Variants in STK11 observed in about 807,000 individuals in gnomAD.
STK11 encodes the protein serine/threonine-protein kinase STK11.
A neutral mutation model predicts 47.3 loss-of-function variants in STK11; 8 were observed. The observed-to-expected ratio is 0.17, with a 90% CI of 0.10 to 0.31. The LOEUF is 0.31. Ranked by LOEUF, STK11 falls within the 10% of genes least tolerant of loss-of-function variation. The pLI is 1.00. For missense variants in STK11, 475 were observed against 605.0 expected (o/e 0.79, Z 2.25); for synonymous variants, 330 against 255.8 (o/e 1.29, Z -2.77).
At position 1,220,640 on chromosome 19, in the gene STK11, C is replaced by T. The variant is rs1326889544; in HGVS notation, c.657C>T (p.Phe219=). The T allele has an allele frequency of 1.9e-6, 3 of 1,608,426 alleles. No homozygotes were observed. The East Asian group carries it at 6.7e-5, about 36-fold the overall frequency. The part of the protein sequence containing the change: ...TCRTSQGSPA[F]QPPEIANGLD... Reference sequence around the variant, plus strand: ...GGACCAGCCAGGGCTCCCCGGCTTTCCAGCCGCCCGAGATTGCCAACGGCC... The same window carrying T: ...GGACCAGCCAGGGCTCCCCGGCTTTTCAGCCGCCCGAGATTGCCAACGGCC... The change falls in exon 5 of 10, where the codon TTC becomes TTT. Residue 219 remains phenylalanine, a synonymous_variant. Transcript: ENST00000326873.
At chr19:1,220,541 C>A in intron 4 of STK11, 36 bp downstream of exon 4, 1 of 1,578,026 alleles carries the variant, frequency 6.3e-7, no homozygotes, top group East Asian at 2.3e-5. Flanking sequence ...GGGGCGCCCC[C>A]TCCCGGGCAC....
At chr19:1,218,532 T>A (rs745909134) in intron 2 of STK11, 32 bp downstream of exon 2, 6 of 1,594,088 alleles carry the variant, frequency 3.8e-6, no homozygotes, top group Non-Finnish European at 5.2e-6. Flanking sequence ...CCGCGGGGCC[T>A]CCGTGGGAGG....
At position 1,218,432 on chromosome 19, in the gene STK11, G is replaced by T. The variant is rs370130178; in HGVS notation, c.306G>T (p.Leu102=). The T allele has an allele frequency of 6.2e-7, 1 of 1,613,626 alleles. No homozygotes were observed. The highest frequency in any genetic ancestry group is 8.5e-7 in the Non-Finnish European group (1 of 1,179,776). ...TCTGTCCCAGGGAAATTCAACTACT[G>T]AGGAGGTTACGGCACAAAAATGTCA... is the stretch of plus-strand genomic sequence containing the variant. ...EANVKKEIQL[L]RRLRHKNVIQ... Residue 102 remains leucine (L), a synonymous_variant, in exon 2 of 10, where the codon CTG becomes CTT. Transcript: ENST00000326873.
chr19:1,219,070 G>GGGGGACGTGAGCCCCGC (rs1484233863), intron 2 of STK11, among the ~76,000 whole-genome samples: 16 of 152,154 alleles, frequency 1.1e-4, no homozygotes, highest in Non-Finnish European at 4.4e-5. Context: ...TGGGCAGGGT[G>GGGGGACGTGAGCCCCGC]GGGGACGTGA....
chr19:1,225,707 C>T (rs559530835), intron 8 of STK11: 11 of 985,582 alleles, frequency 1.1e-5, no homozygotes, highest in Admixed American at 6.1e-5. Context: ...TGGGGCAGCC[C>T]GGGGCGGCCT....
At position 1,220,520 on chromosome 19, in the gene STK11, G is replaced by T. The variant is rs774187994; in HGVS notation, c.597+15G>T. The T allele has an allele frequency of 1.3e-6, 2 of 1,593,978 alleles. No homozygotes were observed. Among genetic ancestry groups the T allele is most frequent in the East Asian group, 2.3e-5 (1 of 44,016 alleles). On this transcript the variant is annotated intron_variant, in intron 4 of 9. Transcript: ENST00000326873. ...GCGTGGCCGAGGTAGGCACGTGCTA[G>T]GGGGGGCCCTGGGGCGCCCCCTCCC... is the stretch of plus-strand genomic sequence containing the variant.
chr19:1,216,441 G>A (rs190298701), intron 1 of STK11: 29 of 158,190 alleles, frequency 1.8e-4, no homozygotes, highest in East Asian at 4.5e-4. Flanking sequence ...TTAGCTGGGC[G>A]TGGTTGCGGG....
In STK11 at chr19:1,223,227, C is replaced by G. The variant is rs1001292384; in HGVS notation, c.1108+55C>G. On this transcript the variant is annotated intron_variant, in intron 8 of 9. Transcript: ENST00000326873. ...CTGCTGACTCGGCCAGGATGTCCCA[C>G]GGGAGCAGGGTGCCTGCCTGTCTGC... The G allele has an allele frequency of 3.2e-6, 5 of 1,564,308 alleles. No individual in the cohort carries two copies. The South Asian group carries it at 5.8e-5, about 18-fold the overall frequency.
At chr19:1,219,666 T>C (rs980792006) in intron 3 of STK11, among the ~76,000 whole-genome samples, 12 of 152,086 alleles carry the variant, frequency 7.9e-5, no homozygotes, top group Admixed American at 1.3e-4. Flanking sequence ...CTGCCTCAGC[T>C]TCCCGAGTAG....
intron 6 of STK11, 175 bp downstream of exon 6, chr19:1,221,515 T>C: frequency 7.0e-6 from 7 of 999,340 alleles, no homozygotes; most frequent in Non-Finnish European, 8.5e-6. Flanking sequence ...GTCCCTCAGC[T>C]CCACCCTGCT....
intron 8 of STK11, 77 bp from the exon 9 acceptor site, chr19:1,226,377 G>A: frequency 3.9e-6 from 6 of 1,556,128 alleles, no homozygotes; most frequent in Non-Finnish European, 4.3e-6. Flanking sequence ...GCGTCCCCGT[G>A]GTGGGGGCCA....
At chr19:1,223,854 T>C in intron 8 of STK11, 2 of 1,023,384 alleles carry the variant, frequency 2.0e-6, no homozygotes, top group Non-Finnish European at 2.3e-6. Flanking sequence ...CTGGGCCGTG[T>C]CATAAAGAGT....
intron 8 of STK11, chr19:1,225,744 T>A: frequency 1.0e-6 from 1 of 985,600 alleles, no homozygotes; most frequent in Non-Finnish European, 1.2e-6. Flanking sequence ...GGGAGGGGCC[T>A]CGGGGATGGC....
At chr19:1,211,928 C>A (rs2080713821) in intron 1 of STK11, among the ~76,000 whole-genome samples, 1 of 152,234 alleles carries the variant, frequency 6.6e-6, no homozygotes. Flanking sequence ...GGGGTTCCAG[C>A]ATCTGCTGAG....
At chr19:1,220,318 C>A (rs1951401665) in intron 3 of STK11, 55 bp from the exon 4 acceptor site, 2 of 1,559,960 alleles carry the variant, frequency 1.3e-6, no homozygotes, top group Admixed American at 1.9e-5. Context: ...GCAAAGGGGA[C>A]CCCTGTGAGG....
intron 9 of STK11, chr19:1,227,073 C>T: frequency 5.1e-6 from 1 of 195,096 alleles, no homozygotes; most frequent in South Asian, 9.2e-5. Context: ...GGGCCGCGGC[C>T]TCCATGGCTC....
At chr19:1,217,400 G>C (rs750638099) in intron 1 of STK11, among the ~76,000 whole-genome samples, 26 of 152,042 alleles carry the variant, frequency 1.7e-4, no homozygotes, top group Non-Finnish European at 3.2e-4. Context: ...GGGTTTCGCC[G>C]TGTTGCTCAG....
chr19:1,218,712 G>C (rs966284137), intron 2 of STK11, among the ~76,000 whole-genome samples: 4 of 152,178 alleles, frequency 2.6e-5, no homozygotes, highest in Non-Finnish European at 5.9e-5. Context: ...CCTGTGTCTT[G>C]GGCCCGTGGG....
chr19:1,221,914 C>T (rs2145428475), intron 6 of STK11, 35 bp from the exon 7 acceptor site: 2 of 1,549,518 alleles, frequency 1.3e-6, no homozygotes, highest in Non-Finnish European at 1.7e-6. Context: ...CAGGCCTGTG[C>T]CCAGCTGACA....
Sources: allele counts gnomAD v4.1 joint callset (sites outside exome capture counted in the v4.1 genomes callset), GRCh38; gene constraint gnomAD v4.1.1; transcripts MANE v1.5; gene names NCBI Gene and HGNC (gene_info 2026-07-23, HGNC 2026-07-21).